POMT1: variants seen among roughly 807,000 people sequenced by gnomAD.
The protein encoded by POMT1 is protein O-mannosyltransferase 1.
Under a neutral mutation model 101.6 loss-of-function variants are expected in POMT1, and 85 were observed. That is an observed-to-expected ratio of 0.84 (90% CI 0.70 to 1.00). The LOEUF is 1.00. Ranked by LOEUF, POMT1 falls within the 50% of genes least tolerant of loss-of-function variation. POMT1 has a pLI of 0.00. For missense variants in POMT1, 857 were observed against 930.4 expected, an observed-to-expected ratio of 0.92 and a Z score of 1.03; for synonymous variants, 371 against 383.0, an observed-to-expected ratio of 0.97 and a Z score of 0.37.
intron 4 of POMT1, chr9:131,506,735 G>A: frequency 2.2e-6 from 1 of 454,952 alleles, no homozygotes; most frequent in Non-Finnish European, 4.0e-6. Context: ...ATGATCGGTT[G>A]TACATGTGAA....
rs1950197392 is a variant in POMT1, at chr9:131,522,722, C to T, written c.2004-210C>T. On this transcript the variant is annotated intron_variant, in intron 19 of 19. Transcript: ENST00000402686. The surrounding 1 kb of genome is among the most constrained non-coding windows in gnomAD (Gnocchi z 5.5). ...CATCTGTGTGGAGGTGGCCCAGCCA[C>T]TGTGGAGGCCTGAGGAGTCATCAGG... Among the ~76,000 whole-genome samples, 1 of 152,148 alleles carries T rather than the reference C, an allele frequency of 6.6e-6. No homozygotes were observed. The highest frequency in any genetic ancestry group is 6.5e-5 in the Admixed American group (1 of 15,284).
intron 12 of POMT1, among the ~76,000 whole-genome samples, chr9:131,515,052 C>T (rs543422619): frequency 3.9e-5 from 6 of 152,366 alleles, no homozygotes; most frequent in Admixed American, 2.0e-4. Flanking sequence ...GGCGCAGGGG[C>T]GGGCAGCTCA....
chr9:131,508,245 T>A (rs1342346055), intron 5 of POMT1, among the ~76,000 whole-genome samples: 1 of 100,646 alleles, frequency 9.9e-6, no homozygotes, highest in Admixed American at 1.0e-4. Context: ...TCAAAAAAAA[T>A]AAATAAGCCG....
At chr9:131,516,887 GA>G (rs1948798683) in intron 13 of POMT1, 1 of 152,238 alleles carries the variant, frequency 6.6e-6, no homozygotes, top group East Asian at 1.9e-4. Flanking sequence ...GAGTGCGGGG[GA>G]TGTTCCTGAG....
chr9:131,506,734 T>C, intron 4 of POMT1: 1 of 457,004 alleles, frequency 2.2e-6, no homozygotes, highest in South Asian at 2.2e-5. Flanking sequence ...GATGATCGGT[T>C]GTACATGTGA....
chr9:131,506,574 T>C (rs1945855297), intron 4 of POMT1, 121 bp downstream of exon 4: 3 of 903,806 alleles, frequency 3.3e-6, no homozygotes, highest in Non-Finnish European at 3.7e-6. Flanking sequence ...CCACAGAAAC[T>C]GTGCCTTATT....
chr9:131,511,027 T>C, intron 9 of POMT1: 1 of 316,042 alleles, frequency 3.2e-6, no homozygotes. Flanking sequence ...ACCCTAGTCT[T>C]GGTTTTCTCA....
In POMT1 at chr9:131,518,484, A is replaced by C. The variant is rs765742927; in HGVS notation, c.1312A>C (p.Thr438Pro). The part of the protein sequence containing the change: ...NRGSDTDVWK[T>P]ILSEVRFVHV... ...AGGATCTGACACAGACGTCTGGAAGACCATCCTCTCAGAGGTCCGCTTTGT... is the reference window on the plus strand; with the variant it reads ...AGGATCTGACACAGACGTCTGGAAGCCCATCCTCTCAGAGGTCCGCTTTGT... The change falls in exon 14 of 20, where the codon ACC (threonine) becomes CCC (proline). Residue 438 changes from threonine to proline, a missense_variant. Transcript: ENST00000402686. 12 of 1,613,810 alleles carry C rather than the reference A, an allele frequency of 7.4e-6. No homozygotes were observed. In the South Asian group the frequency reaches 1.2e-4, roughly 16 times the overall value.
chr9:131,507,724 G>T (rs978689948), intron 5 of POMT1, among the ~76,000 whole-genome samples: 1 of 152,178 alleles, frequency 6.6e-6, no homozygotes, highest in Non-Finnish European at 1.5e-5. Context: ...AGCAGTCGGG[G>T]TATGGCAGTA....
At position 131,522,798 on chromosome 9, in the gene POMT1, CAAG is replaced by C. The variant is rs1950215446; in HGVS notation, c.2004-132_2004-130del. ...GGAGATGGTCATGGGTGGCAGGAGA[CAAG>C]ACACAGAAACCTGAAGGCAGAACCC... is the stretch of plus-strand genomic sequence containing the variant. On this transcript the variant is annotated intron_variant, in intron 19 of 19. Transcript: ENST00000402686. This position sits in a 1 kb window ranked among gnomAD's most constrained non-coding sequence, Gnocchi z 5.5. 1 of 986,558 alleles carries C rather than the reference CAAG, an allele frequency of 1.0e-6. No individual in the cohort carries two copies. The highest frequency in any genetic ancestry group is 1.6e-5 in the African/African-American group (1 of 62,332). 61.1% of individuals were successfully genotyped at this position (986,558 alleles called of 1,614,324 possible). A position where few individuals can be genotyped will look rare whatever the true frequency, so the allele number is the denominator to read the frequency against.
At chr9:131,508,000 A>T (rs1473752464) in intron 5 of POMT1, among the ~76,000 whole-genome samples, 2 of 152,188 alleles carry the variant, frequency 1.3e-5, no homozygotes, top group Non-Finnish European at 2.9e-5. Flanking sequence ...TGGAAGGCTG[A>T]GGCGGGCAGA....
At chr9:131,515,212 T>C (rs1948045800) in intron 12 of POMT1, among the ~76,000 whole-genome samples, 1 of 152,194 alleles carries the variant, frequency 6.6e-6, no homozygotes, top group Non-Finnish European at 1.5e-5. Flanking sequence ...TTTGGAGATG[T>C]TCCCACAGGG....
At chr9:131,504,604 G>A (rs992868515) in intron 2 of POMT1, among the ~76,000 whole-genome samples, 1 of 152,158 alleles carries the variant, frequency 6.6e-6, no homozygotes, top group African/African-American at 2.4e-5. Context: ...CCAGCCTTAA[G>A]TAACAGTTTT....
rs767862363 is a variant in POMT1 at position 131,507,308 on chromosome 9, A to C, written c.281-60A>C. ...CGGCGCTATGTGAAAGCATAGCTGC[A>C]GTACACAGAGATGGTGTGTGCACAG... On this transcript the variant is annotated intron_variant, in intron 4 of 19. Coordinates refer to ENST00000402686, the MANE Select transcript of POMT1 (RefSeq NM_001077365.2). 99 of 1,611,024 alleles carry C rather than the reference A, an allele frequency of 6.1e-5. No homozygotes were observed. In the South Asian group the frequency reaches 1.1e-3, roughly 17 times the overall value.
rs1008641143 is a variant in POMT1, at chr9:131,519,722, C to T, written c.1584+236C>T. ...AGGGACCCAGGAGGTTCTGCAACATCGCCAGGGTGTCTTAAGGCCCCCAGG... is the reference window on the plus strand; with the variant it reads ...AGGGACCCAGGAGGTTCTGCAACATTGCCAGGGTGTCTTAAGGCCCCCAGG... On this transcript the variant is annotated intron_variant, in intron 16 of 19. Transcript: ENST00000402686. The surrounding 1 kb of genome is among the most constrained non-coding windows in gnomAD (Gnocchi z 4.3). Among the ~76,000 whole-genome samples the T allele has an allele frequency of 6.6e-6, 1 of 152,170 alleles. No individual in the cohort carries two copies. Among genetic ancestry groups the T allele is most frequent in the Non-Finnish European group, 1.5e-5 (1 of 68,030 alleles).
At chr9:131,511,503 G>C (rs756652294) in intron 10 of POMT1, 36 bp downstream of exon 10, 2 of 1,611,952 alleles carry the variant, frequency 1.2e-6, no homozygotes, top group Admixed American at 3.3e-5. Context: ...ATAATTAAAT[G>C]CTTTATTTGC....
intron 6 of POMT1, 151 bp downstream of exon 6, chr9:131,509,173 G>T (rs1282495835): frequency 3.0e-6 from 2 of 676,370 alleles, no homozygotes; most frequent in Admixed American, 2.3e-5. Context: ...CTTTTTTTTT[G>T]AGACGGAGTC....
At position 131,523,139 on chromosome 9, in the gene POMT1, G is replaced by C. The variant is rs377341327; in HGVS notation, c.*33G>C. The C allele has an allele frequency of 1.9e-6, 3 of 1,603,810 alleles. No individual in the cohort carries two copies. Among genetic ancestry groups the C allele is most frequent in the Middle Eastern group, 2.1e-4 (1 of 4,766 alleles). Reference sequence around the variant, plus strand: ...GTGTGGCAAAGAACACCCGTGCTGGGGTCGGGATGAGGTTGAAGGGTCTTG... The same window carrying C: ...GTGTGGCAAAGAACACCCGTGCTGGCGTCGGGATGAGGTTGAAGGGTCTTG... On this transcript the variant is annotated 3_prime_UTR_variant, in exon 20 of 20. Coordinates refer to ENST00000402686, the MANE Select transcript of POMT1 (RefSeq NM_001077365.2).
chr9:131,517,412 T>A (rs999506126), intron 13 of POMT1, among the ~76,000 whole-genome samples: 5 of 152,180 alleles, frequency 3.3e-5, no homozygotes, highest in African/African-American at 1.2e-4. Context: ...ATTTAATTTT[T>A]AAAATATTTT....
Sources: gnomAD v4.1 joint callset for allele counts (sites outside exome capture counted in the v4.1 genomes callset) on GRCh38, gnomAD v4.1.1 for gene constraint, Gnocchi (gnomAD v3.1) non-coding constraint, MANE v1.5 for transcripts, NCBI Gene and HGNC (gene_info 2026-07-23, HGNC 2026-07-21) for gene names.